The following OTC variants were observed in gnomAD, a reference collection of about 807,000 sequenced individuals.
OTC encodes the protein ornithine transcarbamylase, mitochondrial.
Under a neutral mutation model 30.3 loss-of-function variants are expected in OTC, and 3 were observed. That is an observed-to-expected ratio of 0.10 (90% CI 0.05 to 0.26). The LOEUF (loss-of-function observed/expected upper bound fraction) is 0.26. Ranked by LOEUF, OTC falls within the 10% of genes least tolerant of loss-of-function variation. OTC has a pLI of 1.00. For missense variants in OTC, 194 were observed against 260.3 expected (o/e 0.75, Z 1.75); for synonymous variants, 111 against 99.7 (o/e 1.11, Z -0.67).
chrX:38,370,578 G>A (rs776788833), intron 3 of OTC, among the ~76,000 whole-genome samples: 1 of 111,426 alleles, frequency 9.0e-6, no homozygotes, highest in Non-Finnish European at 1.9e-5. Context: ...CAACCGGCCT[G>A]AACATTGGGA....
intron 8 of OTC, 148 bp downstream of exon 8, chrX:38,409,173 C>A: frequency 1.6e-6 from 1 of 632,215 alleles, no homozygotes; most frequent in Non-Finnish European, 2.5e-6. Context: ...GACTTCTCTC[C>A]TTCCAAAGAT....
At chrX:38,406,827 G>A (rs1001774069) in intron 6 of OTC, among the ~76,000 whole-genome samples, 2 of 112,364 alleles carry the variant, frequency 1.8e-5, no homozygotes, top group Non-Finnish European at 3.8e-5. Flanking sequence ...GGCTATATGA[G>A]GGTGGTAAAG....
intron 6 of OTC, among the ~76,000 whole-genome samples, chrX:38,404,071 A>G (rs2068504254): frequency 1.8e-5 from 2 of 112,603 alleles, no homozygotes; most frequent in East Asian, 5.5e-4. Flanking sequence ...TGAAGAAAGC[A>G]ATAAAATCCA....
chrX:38,412,269 C>T (rs2068547968), intron 9 of OTC, among the ~76,000 whole-genome samples: 1 of 111,928 alleles, frequency 8.9e-6, no homozygotes, highest in African/African-American at 3.2e-5. Flanking sequence ...CACCAGCCAC[C>T]AGTTTGCCAA....
At chrX:38,361,114 G>C (rs1602012387) in intron 1 of OTC, among the ~76,000 whole-genome samples, 1 of 111,552 alleles carries the variant, frequency 9.0e-6, no homozygotes, top group East Asian at 2.8e-4. Context: ...GACCAGCCTG[G>C]TCAACATGGT....
chrX:38,379,999 G>A (rs1274421282), intron 3 of OTC, among the ~76,000 whole-genome samples: 4 of 111,725 alleles, frequency 3.6e-5, no homozygotes, highest in Admixed American at 9.5e-5. Context: ...TGCCTTCTTC[G>A]TCTACTTGTT....
At chrX:38,371,277 TA>T (rs1260617209) in intron 3 of OTC, among the ~76,000 whole-genome samples, 8 of 111,453 alleles carry the variant, frequency 7.2e-5, no homozygotes, top group Non-Finnish European at 3.8e-5. Context: ...CTGTTAAGGA[TA>T]TTTTTTTTCC....
chrX:38,401,081 GTGGGAGGTAGAACATC>G (rs2068482961), intron 4 of OTC, among the ~76,000 whole-genome samples, 178 bp from the exon 5 acceptor site: 1 of 112,047 alleles, frequency 8.9e-6, no homozygotes, highest in South Asian at 3.7e-4. Flanking sequence ...TGGATAAGTC[GTGGGAGGTAGAACATC>G]TGGCTTATGT....
intron 1 of OTC, among the ~76,000 whole-genome samples, chrX:38,359,684 G>C (rs2068260806): frequency 9.0e-6 from 1 of 111,303 alleles, no homozygotes; most frequent in African/African-American, 3.3e-5. Context: ...GCCTCCCAAA[G>C]TGCTGGGATT....
intron 6 of OTC, among the ~76,000 whole-genome samples, chrX:38,407,116 C>T (rs1180045272): frequency 8.9e-6 from 1 of 112,524 alleles, no homozygotes; most frequent in Non-Finnish European, 1.9e-5. Flanking sequence ...AGCTGAGTTG[C>T]GATGCAGACC....
At chrX:38,415,719 G>T (rs191530037) in intron 9 of OTC, among the ~76,000 whole-genome samples, 18 of 110,780 alleles carry the variant, frequency 1.6e-4, no homozygotes, top group African/African-American at 5.9e-4. Flanking sequence ...GCCTGGCATG[G>T]TGGCGCACAT....
At chrX:38,372,010 C>T (rs1017221338) in intron 3 of OTC, among the ~76,000 whole-genome samples, 1 of 111,299 alleles carries the variant, frequency 9.0e-6, no homozygotes, top group Admixed American at 9.5e-5. Flanking sequence ...TTGAAGTCAC[C>T]AAAATAATTG....
chrX:38,350,595 T>C (rs1011290395), upstream of OTC, among the ~76,000 whole-genome samples: 4 of 111,780 alleles, frequency 3.6e-5, no homozygotes, highest in African/African-American at 1.3e-4. Flanking sequence ...TGCCCTGCCT[T>C]TTGAGATTCA....
chrX:38,399,196 A>C (rs2068471903), intron 4 of OTC, among the ~76,000 whole-genome samples: 1 of 111,041 alleles, frequency 9.0e-6, no homozygotes, highest in Non-Finnish European at 1.9e-5. Context: ...AATCACCTGG[A>C]AACCTTGTTA....
chrX:38,364,698 A>C (rs749832906), intron 1 of OTC, among the ~76,000 whole-genome samples: 53 of 110,324 alleles, frequency 4.8e-4, no homozygotes, highest in African/African-American at 1.8e-3. Context: ...AGGCTGAGGC[A>C]CAAGAATTGC....
chrX:38,386,386 A>ATATAT (rs148645078), intron 4 of OTC, among the ~76,000 whole-genome samples: 42 of 88,959 alleles, frequency 4.7e-4, no homozygotes, highest in African/African-American at 1.3e-3. Flanking sequence ...AAAAAAAAAA[A>ATATAT]ATATATATAT....
At chrX:38,369,017 G>A (rs1602015398) in intron 2 of OTC, among the ~76,000 whole-genome samples, 1 of 110,022 alleles carries the variant, frequency 9.1e-6, no homozygotes, top group East Asian at 2.9e-4. Flanking sequence ...GTATTCCCAT[G>A]AGGATGCATG....
chrX:38,344,996 C>T, the OTC span, among the ~76,000 whole-genome samples: 1 of 110,851 alleles, frequency 9.0e-6, no homozygotes, highest in Admixed American at 9.6e-5. Flanking sequence ...CTGTTCAAGA[C>T]CAGGAATGTG....
At chrX:38,372,720 T>A (rs1312304230) in intron 3 of OTC, among the ~76,000 whole-genome samples, 1 of 112,933 alleles carries the variant, frequency 8.9e-6, no homozygotes, top group Admixed American at 9.3e-5. Context: ...GTCTTAATTG[T>A]TTACAGAAAC....
Sources: allele counts gnomAD v4.1 joint callset (sites outside exome capture counted in the v4.1 genomes callset), GRCh38; gene constraint gnomAD v4.1.1; transcripts MANE v1.5; gene names NCBI Gene and HGNC (gene_info 2026-07-23, HGNC 2026-07-21).